Variants in MRC2 observed in about 807,000 individuals in gnomAD.
The protein encoded by MRC2 is mannose receptor C-type 2, also known as C-type mannose receptor 2.
MRC2 carries 84 observed loss-of-function variants against 206.2 expected under a neutral mutation model. That is an observed-to-expected ratio of 0.41 (90% CI 0.34 to 0.49). The LOEUF is 0.49. Among genes scored for constraint, MRC2 ranks in the 20% least tolerant of loss-of-function variants. The pLI, the probability that MRC2 is intolerant of heterozygous loss-of-function variation, is 0.31. For synonymous variants in MRC2, 798 were observed against 800.0 expected (o/e 1.00, Z 0.04); for missense variants, 1,676 against 2,001.5 (o/e 0.84, Z 3.10).
rs772940657 is a variant in MRC2, at chr17:62,680,426, G to A, written c.2446G>A (p.Val816Met). ...TGTCCTTGTTCCCCTAGGTACGGAC[G>A]TGCGGGAGCCCGACGACAGCCCTCA... The part of the protein sequence containing the change: ...WICKIPRGTD[V>M]REPDDSPQGR... Residue 816 changes from valine to methionine, a missense_variant, in exon 16 of 30, where the codon GTG becomes ATG. Val to Met is a conservative substitution (Grantham distance 21, BLOSUM62 1). Coordinates refer to ENST00000303375, the MANE Select transcript of MRC2 (RefSeq NM_006039.5). This position sits in a 1 kb window ranked among gnomAD's most constrained non-coding sequence, Gnocchi z 4.8. 3.1e-6 allele frequency: 5 copies of A among 1,614,002 alleles called. No individual in the cohort carries two copies. In the East Asian group the frequency reaches 8.9e-5, roughly 29 times the overall value.
chr17:62,681,574 C>T, intron 18 of MRC2: 1 of 487,532 alleles, frequency 2.1e-6, no homozygotes, highest in Non-Finnish European at 3.6e-6. Context: ...TCTTTTTGCC[C>T]TTGGGCTTCC....
At chr17:62,650,062 GT>G (rs2088537687) in intron 1 of MRC2, among the ~76,000 whole-genome samples, 1 of 151,894 alleles carries the variant, frequency 6.6e-6, no homozygotes, top group Admixed American at 6.6e-5. Flanking sequence ...ACCCGGCTAA[GT>G]TTTGTATTTT....
chr17:62,667,518 G>A lies in MRC2; in HGVS notation c.1102G>A (p.Glu368Lys), dbSNP rs756174427. 8.7e-6 allele frequency: 14 copies of A among 1,610,434 alleles called. No individual in the cohort carries two copies. The highest frequency in any genetic ancestry group is 3.3e-5 in the South Asian group (3 of 90,796). ...VCKKKPNATA[E>K]PTPPDRWANV... ...CAAGAAGAAGCCCAACGCCACGGCC[G>A]AGCCCACCCCTCCAGGTGAGCCAGG... The change falls in exon 6 of 30, where the codon GAG (glutamate) becomes AAG (lysine). Residue 368 changes from glutamate (E) to lysine (K), a missense_variant. Transcript: ENST00000303375. The surrounding 1 kb of genome is among the most constrained non-coding windows in gnomAD (Gnocchi z 4.1).
chr17:62,632,181 T>C (rs2084221409), intron 1 of MRC2, among the ~76,000 whole-genome samples: 1 of 152,056 alleles, frequency 6.6e-6, no homozygotes, highest in African/African-American at 2.4e-5. Flanking sequence ...ATGAGGGCTG[T>C]CCAGTGGCAC....
intron 1 of MRC2, among the ~76,000 whole-genome samples, chr17:62,653,606 C>T (rs2147451736): frequency 6.6e-6 from 1 of 152,128 alleles, no homozygotes; most frequent in Admixed American, 6.5e-5. Flanking sequence ...GGGGGAAGCC[C>T]GCCACTGCTC....
intron 20 of MRC2, 99 bp downstream of exon 20, chr17:62,682,476 C>A: frequency 7.2e-7 from 1 of 1,384,954 alleles, no homozygotes; most frequent in Non-Finnish European, 9.6e-7. Flanking sequence ...CAGCACCAAA[C>A]TCATGGCCTC....
rs1435297066 is a variant in MRC2 at position 62,693,445 on chromosome 17, C to T, written c.*994C>T. ...GCCAGGACAAAGTATGCGGCCCATC[C>T]TGGTGCGACAGCGTGGGACAATGTG... is the stretch of plus-strand genomic sequence containing the variant. On this transcript the variant is annotated 3_prime_UTR_variant, in exon 30 of 30. Transcript: ENST00000303375. 6.6e-6 allele frequency: 1 copy of T among 152,594 alleles called. No individual in the cohort carries two copies. The highest frequency in any genetic ancestry group is 1.5e-5 in the Non-Finnish European group (1 of 68,032). The allele number at this position is 152,594 out of a possible 1,614,324, so 9.5% of individuals were successfully genotyped here. A position where few individuals can be genotyped will look rare whatever the true frequency, so the allele number is the denominator to read the frequency against.
chr17:62,684,629 G>A (rs1444389123), intron 20 of MRC2, among the ~76,000 whole-genome samples: 1 of 152,032 alleles, frequency 6.6e-6, no homozygotes, highest in African/African-American at 2.4e-5. Flanking sequence ...GTTCATACCA[G>A]GAAGAGAAGG....
At position 62,665,420 on chromosome 17, in the gene MRC2, AAAAAG is replaced by A. The variant is rs769144031; in HGVS notation, c.520+486_520+490del. Among the ~76,000 whole-genome samples, 556 of 152,042 alleles carry A rather than the reference AAAAAG, an allele frequency of 3.7e-3. 3 individuals are homozygous for A. Among genetic ancestry groups the A allele is most frequent in the Non-Finnish European group, 5.9e-3 (398 of 67,970 alleles). ...ACTCTGTCCCCCCCCCCACAAAAAA[AAAAAG>A]AAAAGAAAAGAAAAAAGAAAAATTA... On this transcript the variant is annotated intron_variant, in intron 2 of 29. Coordinates refer to ENST00000303375, the MANE Select transcript of MRC2 (RefSeq NM_006039.5).
At chr17:62,644,886 G>A (rs893629678) in intron 1 of MRC2, among the ~76,000 whole-genome samples, 1 of 152,052 alleles carries the variant, frequency 6.6e-6, no homozygotes, top group Admixed American at 6.5e-5. Flanking sequence ...GGAACCACCT[G>A]GTGCTCTCTC....
chr17:62,688,590 G>C lies in MRC2; in HGVS notation c.3151G>C (p.Glu1051Gln). Residue 1051 changes from glutamate to glutamine, a missense_variant, in exon 22 of 30, where the codon GAG becomes CAG. By Grantham distance (29) the Glu-to-Gln change is conservative. Transcript: ENST00000303375. ...SQRDFQWVEQEPLMYANWAPG... is the reference protein window; with the variant it reads ...SQRDFQWVEQQPLMYANWAPG... ...GAGGGACTTCCAGTGGGTGGAGCAG[G>C]AGCCTTTGATGTATGCCAACTGGGC... The C allele has an allele frequency of 6.2e-7, 1 of 1,614,238 alleles. No homozygotes were observed. Among genetic ancestry groups the C allele is most frequent in the Non-Finnish European group, 8.5e-7 (1 of 1,180,048 alleles).
rs2088921825 is a variant in MRC2 at position 62,678,532 on chromosome 17, A to G, written c.2081A>G (p.Lys694Arg). Reference sequence around the variant, plus strand: ...TTCAGCTCAGAGCGGCTGCAGGACAAGAAGAGCTGGGTCCAGGCCCAGGGG... The same window carrying G: ...TTCAGCTCAGAGCGGCTGCAGGACAGGAAGAGCTGGGTCCAGGCCCAGGGG... ...KVFSSERLQDKKSWVQAQGAC... is the reference protein window; with the variant it reads ...KVFSSERLQDRKSWVQAQGAC... Residue 694 changes from lysine to arginine, a missense_variant, in exon 13 of 30, where the codon AAG (lysine) becomes AGG (arginine). Physicochemically the swap from Lys to Arg is conservative, Grantham distance 26. Transcript: ENST00000303375. 6.2e-7 allele frequency: 1 copy of G among 1,612,414 alleles called. No homozygotes were observed. The highest frequency in any genetic ancestry group is 8.5e-7 in the Non-Finnish European group (1 of 1,179,426).
chr17:62,631,309 C>G (rs533744544), intron 1 of MRC2, among the ~76,000 whole-genome samples: 2 of 152,232 alleles, frequency 1.3e-5, no homozygotes, highest in African/African-American at 4.8e-5. Context: ...GGCAGTAGCT[C>G]TTCGGCACCT....
chr17:62,645,505 A>T (rs1463882358), intron 1 of MRC2, among the ~76,000 whole-genome samples: 1 of 62,050 alleles, frequency 1.6e-5, no homozygotes, highest in African/African-American at 6.5e-5. Context: ...TATTATATAT[A>T]TATATATATA....
chr17:62,641,227 A>G (rs2088398603), intron 1 of MRC2, among the ~76,000 whole-genome samples: 1 of 146,576 alleles, frequency 6.8e-6, no homozygotes, highest in African/African-American at 2.5e-5. Flanking sequence ...TGGGAGGCCG[A>G]GGTGGGTGGA....
chr17:62,641,636 A>T (rs945723756), intron 1 of MRC2, among the ~76,000 whole-genome samples: 1 of 152,218 alleles, frequency 6.6e-6, no homozygotes, highest in African/African-American at 2.4e-5. Flanking sequence ...TTGGAAAGAG[A>T]TATGGATAAA....
rs1426292054 is a variant in MRC2, at chr17:62,679,762, C to G, written c.2196-38C>G. 17 of 1,599,210 alleles carry G rather than the reference C, an allele frequency of 1.1e-5. No homozygotes were observed. The South Asian group carries it at 1.9e-4, about 18-fold the overall frequency. ...GTTTGGGTTCCTGCCCCTCTCACTTCCCATCTCTTCCGTCCCCACTCCTGG... is the reference window on the plus strand; with the variant it reads ...GTTTGGGTTCCTGCCCCTCTCACTTGCCATCTCTTCCGTCCCCACTCCTGG... On this transcript the variant is annotated intron_variant, in intron 13 of 29. Coordinates refer to ENST00000303375, the MANE Select transcript of MRC2 (RefSeq NM_006039.5).
Position 62,692,141 on chromosome 17 carries a change from G to T in MRC2, c.4219+3G>T. The T allele has an allele frequency of 6.2e-7, 1 of 1,614,224 alleles. No homozygotes were observed. Among genetic ancestry groups the T allele is most frequent in the Non-Finnish European group, 8.5e-7 (1 of 1,180,054 alleles). Reference sequence around the variant, plus strand: ...GCAGAGCAGCTTCTCCCCATCAGGTGAGTGAAAGGCAATGCCCCCAGGTGG... The same window carrying T: ...GCAGAGCAGCTTCTCCCCATCAGGTTAGTGAAAGGCAATGCCCCCAGGTGG... On this transcript the variant is annotated splice_donor_region_variant and intron_variant, in intron 29 of 29. Transcript: ENST00000303375. This position sits in a 1 kb window ranked among gnomAD's most constrained non-coding sequence, Gnocchi z 4.2.
At chr17:62,628,916 T>C (rs773807920) in intron 1 of MRC2, among the ~76,000 whole-genome samples, 42 of 152,184 alleles carry the variant, frequency 2.8e-4, no homozygotes, top group Non-Finnish European at 4.9e-4. Flanking sequence ...GTGCAGTGTC[T>C]GCAGTTTTGT....
Sources: allele counts gnomAD v4.1 joint callset (sites outside exome capture counted in the v4.1 genomes callset), GRCh38; gene constraint gnomAD v4.1.1; non-coding constraint Gnocchi (gnomAD v3.1); transcripts MANE v1.5; gene names NCBI Gene and HGNC (gene_info 2026-07-23, HGNC 2026-07-21).